PTK7: variants seen among roughly 807,000 people sequenced by gnomAD.
PTK7 encodes inactive tyrosine-protein kinase 7.
A neutral mutation model predicts 116.6 loss-of-function variants in PTK7; 39 were observed. The ratio of observed to expected loss-of-function variants is 0.33; its 90% confidence interval spans 0.26 to 0.44. The LOEUF (loss-of-function observed/expected upper bound fraction) is 0.44. PTK7 is among the 20% of genes least tolerant of loss of function. The probability of loss-of-function intolerance (pLI) is 1.00; values close to 1 mark genes in which losing one functional copy is unlikely to be tolerated. For synonymous variants in PTK7, 546 were observed against 563.6 expected, an observed-to-expected ratio of 0.97 and a Z score of 0.44; for missense variants, 1,169 against 1,425.6, an observed-to-expected ratio of 0.82 and a Z score of 2.90.
At chr6:43,142,522 G>T in intron 13 of PTK7, 3 of 681,348 alleles carry the variant, frequency 4.4e-6, no homozygotes, top group Admixed American at 2.3e-5. Context: ...TGTGTGTGTT[G>T]TGGGGGAGTG....
chr6:43,158,454 C>A (rs540296564), intron 17 of PTK7, among the ~76,000 whole-genome samples: 13 of 152,236 alleles, frequency 8.5e-5, no homozygotes, highest in Admixed American at 8.5e-4. Flanking sequence ...GGTGACAGAG[C>A]AAGACCCTGT....
At chr6:43,116,077 G>A (rs1009168172) in intron 1 of PTK7, among the ~76,000 whole-genome samples, 2 of 152,122 alleles carry the variant, frequency 1.3e-5, no homozygotes, top group African/African-American at 2.4e-5. Context: ...TCAGTCTGGA[G>A]CCTTCTCTTT....
Position 43,104,525 on chromosome 6 carries a change from C to G in PTK7, c.80-24452C>G, listed in dbSNP as rs574621356. Among the ~76,000 whole-genome samples the G allele has an allele frequency of 2.4e-4, 37 of 152,206 alleles. No individual in the cohort carries two copies. In the South Asian group the frequency reaches 7.5e-3, roughly 31 times the overall value. ...CCCTGGGAGGGAGTAATTCTCCTGCCTCAGCCTCCTGAGAAGCTGGGATTA... is the reference window on the plus strand; with the variant it reads ...CCCTGGGAGGGAGTAATTCTCCTGCGTCAGCCTCCTGAGAAGCTGGGATTA... On this transcript the variant is annotated intron_variant, in intron 1 of 19. Transcript: ENST00000230419.
intron 17 of PTK7, among the ~76,000 whole-genome samples, chr6:43,147,340 AC>A: frequency 6.6e-6 from 1 of 151,890 alleles, no homozygotes; most frequent in Non-Finnish European, 1.5e-5. Context: ...CTTGCCTGCT[AC>A]CCCCTGCCAC....
intron 1 of PTK7, among the ~76,000 whole-genome samples, chr6:43,100,971 G>A (rs943562124): frequency 2.0e-5 from 3 of 152,062 alleles, no homozygotes; most frequent in Non-Finnish European, 4.4e-5. Flanking sequence ...GGTGGCTCAC[G>A]CCTGTAATCC....
intron 10 of PTK7, among the ~76,000 whole-genome samples, chr6:43,140,273 G>A (rs1770316192): frequency 6.6e-6 from 1 of 152,018 alleles, no homozygotes; most frequent in Non-Finnish European, 1.5e-5. Flanking sequence ...ATAGAGTAGT[G>A]AAACCTCGTC....
At chr6:43,093,489 A>C (rs934567884) in intron 1 of PTK7, among the ~76,000 whole-genome samples, 1 of 152,104 alleles carries the variant, frequency 6.6e-6, no homozygotes, top group Non-Finnish European at 1.5e-5. Flanking sequence ...AGAAGACCAA[A>C]GAGAGGCACA....
chr6:43,081,493 C>T (rs1165044104), intron 1 of PTK7, among the ~76,000 whole-genome samples: 3 of 152,202 alleles, frequency 2.0e-5, no homozygotes, highest in Non-Finnish European at 4.4e-5. Context: ...CAACCTCTAC[C>T]TCCCAGGTTC....
rs750935468 is a variant in PTK7, at chr6:43,145,269, T to C, written c.2477T>C (p.Leu826Pro). The change falls in exon 16 of 20, where the codon CTG becomes CCG. Residue 826 changes from leucine (L) to proline (P), a missense_variant. Coordinates refer to ENST00000230419, the MANE Select transcript of PTK7 (RefSeq NM_002821.5). The surrounding 1 kb of genome is among the most constrained non-coding windows in gnomAD (Gnocchi z 4.8). ...TTGGAGGAGGGAGTGGCAGAGACCC[T>C]GGTACTTGTGAAGAGCCTGCAGAGC... The part of the protein sequence containing the change: ...QGLEEGVAET[L>P]VLVKSLQSKD... The C allele has an allele frequency of 1.9e-6, 3 of 1,613,866 alleles. No homozygotes were observed. The highest frequency in any genetic ancestry group is 3.3e-5 in the Admixed American group (2 of 59,976).
At chr6:43,122,865 C>G (rs989088938) in intron 1 of PTK7, among the ~76,000 whole-genome samples, 1 of 152,078 alleles carries the variant, frequency 6.6e-6, no homozygotes, top group African/African-American at 2.4e-5. Context: ...CCTTGGACTC[C>G]CAAAGTGTTG....
chr6:43,158,292 C>A (rs934645210), intron 17 of PTK7, among the ~76,000 whole-genome samples: 2 of 151,292 alleles, frequency 1.3e-5, no homozygotes, highest in African/African-American at 4.9e-5. Context: ...GAGCAAGACT[C>A]CGTCTCAAAA....
In PTK7 at chr6:43,130,434, G is replaced by A. The variant is rs762086314; in HGVS notation, c.661+14G>A. 1 of 1,602,326 alleles carries A rather than the reference G, an allele frequency of 6.2e-7. No individual in the cohort carries two copies. Among genetic ancestry groups the A allele is most frequent in the Non-Finnish European group, 8.5e-7 (1 of 1,170,852 alleles). On this transcript the variant is annotated intron_variant, in intron 4 of 19. Transcript: ENST00000230419. ...TGAGCATTGCTGGTGAGCCTGGGGT[G>A]GGGGCGGAAGGGATGAGGTGAGCAC...
chr6:43,157,353 TATA>T (rs1771526767), intron 17 of PTK7, among the ~76,000 whole-genome samples: 3 of 10,310 alleles, frequency 2.9e-4, no homozygotes, highest in Non-Finnish European at 4.1e-4. Context: ...TATATATATA[TATA>T]TATATATATT....
chr6:43,139,657 AT>A lies in PTK7; in HGVS notation c.1618+133del. On this transcript the variant is annotated intron_variant, in intron 10 of 19. Transcript: ENST00000230419. This position sits in a 1 kb window ranked among gnomAD's most constrained non-coding sequence, Gnocchi z 4.6. ...TAGACAAGCAGTGCAGGGCTGATGTATAGTTTAGTTAGGAAGGAAAAAGCCA... is the reference window on the plus strand; with the variant it reads ...TAGACAAGCAGTGCAGGGCTGATGTAAGTTTAGTTAGGAAGGAAAAAGCCA... The A allele has an allele frequency of 7.2e-7, 1 of 1,396,500 alleles. No homozygotes were observed. Among genetic ancestry groups the A allele is most frequent in the Non-Finnish European group, 9.6e-7 (1 of 1,039,872 alleles). 86.5% of individuals were successfully genotyped at this position (1,396,500 alleles called of 1,614,324 possible).
chr6:43,109,619 T>G (rs1357746269), intron 1 of PTK7, among the ~76,000 whole-genome samples: 2 of 152,120 alleles, frequency 1.3e-5, no homozygotes, highest in East Asian at 3.8e-4. Context: ...TGAGTGTTAT[T>G]TTTAAAATCT....
chr6:43,142,372 T>C (rs1304115079), intron 13 of PTK7, 73 bp downstream of exon 13: 1 of 1,607,032 alleles, frequency 6.2e-7, no homozygotes. Context: ...ACTCAGCCCC[T>C]GTGTACAGAA....
rs1769553607 is a variant in PTK7 at position 43,129,933 on chromosome 6, A to G, written c.470+104A>G. Reference sequence around the variant, plus strand: ...TGTTACCTCGCTCCATTCTGTGACCACTCGTTCCACCACCACAGTGCTCTT... The same window carrying G: ...TGTTACCTCGCTCCATTCTGTGACCGCTCGTTCCACCACCACAGTGCTCTT... On this transcript the variant is annotated intron_variant, in intron 3 of 19. Transcript: ENST00000230419. The surrounding 1 kb of genome is among the most constrained non-coding windows in gnomAD (Gnocchi z 4.5). The G allele has an allele frequency of 3.5e-6, 4 of 1,127,246 alleles. No homozygotes were observed. The highest frequency in any genetic ancestry group is 1.5e-5 in the African/African-American group (1 of 65,288). 69.8% of individuals were successfully genotyped at this position (1,127,246 alleles called of 1,614,324 possible). A position where few individuals can be genotyped will look rare whatever the true frequency, so the allele number is the denominator to read the frequency against.
intron 1 of PTK7, among the ~76,000 whole-genome samples, chr6:43,108,848 A>G (rs1259706922): frequency 6.6e-6 from 1 of 152,190 alleles, no homozygotes; most frequent in Non-Finnish European, 1.5e-5. Context: ...TGCTAGATCC[A>G]TTATTTCATT....
rs1766022344 is a variant in PTK7, at chr6:43,076,555, C to T, written c.67C>T (p.Pro23Ser). 6.3e-7 allele frequency: 1 copy of T among 1,577,052 alleles called. No homozygotes were observed. Among genetic ancestry groups the T allele is most frequent in the Non-Finnish European group, 8.6e-7 (1 of 1,166,772 alleles). ...RLPLLSVLLL[P>S]LLGGTQTAIV... Reference sequence around the variant, plus strand: ...GCCTCTGCTCAGCGTCCTGCTGCTGCCGCTGCTGGGCGGTGAGTACCCGAG... The same window carrying T: ...GCCTCTGCTCAGCGTCCTGCTGCTGTCGCTGCTGGGCGGTGAGTACCCGAG... The change falls in exon 1 of 20, where the codon CCG (proline) becomes TCG (serine). Residue 23 changes from proline to serine, a missense_variant. Physicochemically the swap from Pro to Ser is moderately conservative, Grantham distance 74. Around this residue, in one of 3 missense-constraint regions of PTK7, gnomAD observed 487 missense variants for 549.8 expected, o/e 0.89. Coordinates refer to ENST00000230419, the MANE Select transcript of PTK7 (RefSeq NM_002821.5). The surrounding 1 kb of genome is among the most constrained non-coding windows in gnomAD (Gnocchi z 5.7).
Sources: allele counts gnomAD v4.1 joint callset (sites outside exome capture counted in the v4.1 genomes callset), GRCh38; gene constraint gnomAD v4.1.1; regional missense constraint gnomAD v4.1.1; non-coding constraint Gnocchi (gnomAD v3.1); transcripts MANE v1.5; gene names NCBI Gene and HGNC (gene_info 2026-07-23, HGNC 2026-07-21).